Variants in RAPGEF5 observed in about 807,000 individuals in gnomAD.
The protein encoded by RAPGEF5 is Rap guanine nucleotide exchange factor 5.
In RAPGEF5, 65 loss-of-function variants were observed where a neutral mutation model predicts 125.2. That is an observed-to-expected ratio of 0.52 (90% confidence interval 0.43 to 0.64). RAPGEF5 has a LOEUF of 0.64. RAPGEF5 is among the 30% of genes least tolerant of loss of function. The pLI, the probability that RAPGEF5 is intolerant of heterozygous loss-of-function variation, is 0.00. For missense variants in RAPGEF5, 958 were observed against 1,048.1 expected (o/e 0.91, Z 1.19); for synonymous variants, 391 against 385.9 (o/e 1.01, Z -0.16).
Position 22,219,928 on chromosome 7 carries a change from G to C in RAPGEF5, c.934C>G (p.Leu312Val), listed in dbSNP as rs751340931. 3 of 1,613,446 alleles carry C rather than the reference G, an allele frequency of 1.9e-6. No individual in the cohort carries two copies. Among genetic ancestry groups the C allele is most frequent in the Non-Finnish European group, 8.5e-7 (1 of 1,179,552 alleles). ...EIGRIELVQK[L>V]AKENYQFLQT... is the part of the protein sequence containing the mutation. ...AAAAACTGATAGTTTTCTTTTGCCA[G>C]CTTCTGGACTAGTTCAATTCGTCCG... Residue 312 changes from leucine (L) to valine (V), a missense_variant, in exon 9 of 26, where the codon CTG becomes GTG. Leu to Val is a conservative substitution (Grantham distance 32). Transcript: ENST00000665637.
intron 14 of RAPGEF5, among the ~76,000 whole-genome samples, chr7:22,158,349 G>A (rs1466974324): frequency 6.6e-6 from 1 of 152,172 alleles, no homozygotes; most frequent in Non-Finnish European, 1.5e-5. Context: ...GGTGGAACTG[G>A]GAACACTCTG....
Position 22,131,058 on chromosome 7 carries a change from A to T in RAPGEF5, c.2460T>A (p.Asn820Lys). ...GTACCAGCTTTTCAAAATTGACAAG[A>T]TTATCCAAAAAAGTTTTATTTCCTT... ...IHEGNKTFLDNLVNFEKLHMI... is the reference protein window; with the variant it reads ...IHEGNKTFLDKLVNFEKLHMI... Residue 820 changes from asparagine (N) to lysine (K), a missense_variant, in exon 24 of 26, where the codon AAT becomes AAA. Coordinates refer to ENST00000665637, the MANE Select transcript of RAPGEF5 (RefSeq NM_012294.5). 1.3e-6 allele frequency: 2 copies of T among 1,538,072 alleles called. No homozygotes were observed. The highest frequency in any genetic ancestry group is 1.8e-6 in the Non-Finnish European group (2 of 1,141,682).
chr7:22,212,694 C>T (rs1785538919), intron 9 of RAPGEF5, among the ~76,000 whole-genome samples: 1 of 152,216 alleles, frequency 6.6e-6, no homozygotes, highest in Non-Finnish European at 1.5e-5. Context: ...ACCCAAATAA[C>T]ACCAGCCTGA....
intron 11 of RAPGEF5, among the ~76,000 whole-genome samples, chr7:22,178,137 G>T (rs969504301): frequency 6.6e-6 from 1 of 151,580 alleles, no homozygotes; most frequent in Non-Finnish European, 1.5e-5. Flanking sequence ...GGACTGAAAT[G>T]GTCCACAAAT....
At position 22,317,934 on chromosome 7, in the gene RAPGEF5, G is replaced by A. The variant is rs1272396985; in HGVS notation, c.282+53C>T. ...ACTGTAACTTGATAATTGTACATCA[G>A]AATTTGTCAATCACTATTTCAGAAA... is the stretch of plus-strand genomic sequence containing the variant. On this transcript the variant is annotated intron_variant, in intron 2 of 25. Coordinates refer to ENST00000665637, the MANE Select transcript of RAPGEF5 (RefSeq NM_012294.5). 32 of 1,542,904 alleles carry A rather than the reference G, an allele frequency of 2.1e-5. No individual in the cohort carries two copies. The Admixed American group carries it at 6.5e-4, about 31-fold the overall frequency.
chr7:22,317,741 A>G (rs947714445), intron 2 of RAPGEF5, among the ~76,000 whole-genome samples: 2 of 152,198 alleles, frequency 1.3e-5, no homozygotes, highest in African/African-American at 2.4e-5. Context: ...CATGTAAAGA[A>G]CCTGGAAGAT....
intron 7 of RAPGEF5, among the ~76,000 whole-genome samples, chr7:22,262,430 A>C (rs186548117): frequency 6.6e-6 from 1 of 152,232 alleles, no homozygotes; most frequent in Non-Finnish European, 1.5e-5. Flanking sequence ...AAATGCTGGC[A>C]AGGACGCAGG....
At chr7:22,291,343 A>AT in intron 5 of RAPGEF5, 102 bp from the exon 6 acceptor site, 1 of 1,429,394 alleles carries the variant, frequency 7.0e-7, no homozygotes, top group Non-Finnish European at 9.1e-7. Context: ...TTGTTATTAT[A>AT]TTAGCAAAAG....
intron 1 of RAPGEF5, among the ~76,000 whole-genome samples, chr7:22,332,216 C>A (rs908768902): frequency 1.3e-5 from 2 of 152,122 alleles, no homozygotes; most frequent in African/African-American, 4.8e-5. Flanking sequence ...TAAAGCCTCC[C>A]GGTTGAAGGT....
At position 22,300,317 on chromosome 7, in the gene RAPGEF5, A is replaced by G. The variant is rs112666993; in HGVS notation, c.680+8022T>C. 2.0e-5 allele frequency among the ~76,000 whole-genome samples: 3 copies of G among 152,126 alleles called. 1 individual carries two copies. The highest frequency in any genetic ancestry group is 7.2e-5 in the African/African-American group (3 of 41,514). ...GTTCTTTTTTTATTGTTTGTTTTCT[A>G]TTTCTTGACTAACAACTTCTATCCC... On this transcript the variant is annotated intron_variant, in intron 5 of 25. Coordinates refer to ENST00000665637, the MANE Select transcript of RAPGEF5 (RefSeq NM_012294.5).
chr7:22,132,900 T>C (rs976171064), intron 23 of RAPGEF5, among the ~76,000 whole-genome samples: 1 of 152,208 alleles, frequency 6.6e-6, no homozygotes, highest in Non-Finnish European at 1.5e-5. Context: ...GGCTAACCCA[T>C]GCTCACAGCT....
chr7:22,232,636 A>G (rs1460428038), intron 7 of RAPGEF5, among the ~76,000 whole-genome samples: 2 of 152,062 alleles, frequency 1.3e-5, no homozygotes, highest in African/African-American at 4.8e-5. Context: ...ACTTTTAAAT[A>G]TTGTGCTCTC....
At chr7:22,177,487 G>C (rs1354443885) in intron 11 of RAPGEF5, among the ~76,000 whole-genome samples, 2 of 152,194 alleles carry the variant, frequency 1.3e-5, no homozygotes, top group Admixed American at 6.5e-5. Context: ...GGCTTCAATG[G>C]GCAAGGAGAA....
intron 9 of RAPGEF5, among the ~76,000 whole-genome samples, chr7:22,204,910 T>C (rs1785364141): frequency 6.6e-6 from 1 of 152,086 alleles, no homozygotes; most frequent in Non-Finnish European, 1.5e-5. Context: ...AAGGTTAAAA[T>C]AAGACAAAGA....
Position 22,187,195 on chromosome 7 carries a change from A to C in RAPGEF5, c.1204+6172T>G, listed in dbSNP as rs187381775. Among the ~76,000 whole-genome samples the C allele has an allele frequency of 3.7e-4, 56 of 152,324 alleles. No homozygotes were observed. The East Asian group carries it at 8.9e-3, about 24-fold the overall frequency. ...TAAATTGACTTTGGAGGTCATCTAC[A>C]CCAATTCTCAGGTCTCCCTCCCACC... On this transcript the variant is annotated intron_variant, in intron 11 of 25. Transcript: ENST00000665637.
At chr7:22,290,193 T>TA (rs1379164319) in intron 6 of RAPGEF5, among the ~76,000 whole-genome samples, 3 of 152,240 alleles carry the variant, frequency 2.0e-5, no homozygotes, top group African/African-American at 7.2e-5. Context: ...GTTTCATCCT[T>TA]ACACATAACC....
chr7:22,168,074 AATT>A (rs56161017), intron 11 of RAPGEF5, among the ~76,000 whole-genome samples: 11,871 of 152,202 alleles, frequency 0.078, 594 homozygotes, highest in South Asian at 0.14. Flanking sequence ...AACAGTAATA[AATT>A]ATTAGAGTAA....
chr7:22,219,020 A>C (rs1283165109), intron 9 of RAPGEF5, among the ~76,000 whole-genome samples: 1 of 152,214 alleles, frequency 6.6e-6, no homozygotes, highest in Non-Finnish European at 1.5e-5. Context: ...GCATGAAGCA[A>C]TGTTTTCCCC....
chr7:22,230,090 G>A (rs1430689183), intron 8 of RAPGEF5, among the ~76,000 whole-genome samples: 3 of 152,156 alleles, frequency 2.0e-5, no homozygotes, highest in Non-Finnish European at 4.4e-5. Context: ...AGAAACCCTT[G>A]TCCCACTAGT....
Sources: allele counts gnomAD v4.1 joint callset (sites outside exome capture counted in the v4.1 genomes callset), GRCh38; gene constraint gnomAD v4.1.1; transcripts MANE v1.5; gene names NCBI Gene and HGNC (gene_info 2026-07-23, HGNC 2026-07-21).